NALF1: variants seen among roughly 807,000 people sequenced by gnomAD.
The protein encoded by NALF1 is NALCN channel auxiliary factor 1, also known as family with sequence similarity 155 member A.
Under a neutral mutation model 48.4 loss-of-function variants are expected in NALF1, and 3 were observed. That is an observed-to-expected ratio of 0.06 (90% confidence interval 0.03 to 0.16). NALF1 has a LOEUF of 0.16. Ranked by LOEUF, NALF1 falls within the 10% of genes least tolerant of loss-of-function variation. The pLI is 1.00. For missense variants in NALF1, 526 were observed against 571.5 expected (o/e 0.92, Z 0.81); for synonymous variants, 262 against 245.7 (o/e 1.07, Z -0.62).
intron 1 of NALF1, among the ~76,000 whole-genome samples, chr13:107,684,917 C>T (rs1174311074): frequency 6.6e-6 from 1 of 152,202 alleles, no homozygotes; most frequent in Non-Finnish European, 1.5e-5. Flanking sequence ...ACACCCTTTC[C>T]TTCCCATTGC....
chr13:107,547,525 T>C (rs1338022426), intron 1 of NALF1, among the ~76,000 whole-genome samples: 1 of 152,218 alleles, frequency 6.6e-6, no homozygotes, highest in Admixed American at 6.5e-5. Flanking sequence ...TGGATTAGTT[T>C]AATTAATCCT....
intron 1 of NALF1, among the ~76,000 whole-genome samples, chr13:107,795,282 C>T (rs939353131): frequency 1.3e-5 from 2 of 152,078 alleles, no homozygotes; most frequent in African/African-American, 4.8e-5. Context: ...CAAAAAACAT[C>T]AATACACATC....
intron 1 of NALF1, among the ~76,000 whole-genome samples, chr13:107,791,686 C>T (rs1009058667): frequency 5.3e-5 from 8 of 152,042 alleles, no homozygotes; most frequent in Non-Finnish European, 1.2e-4. Flanking sequence ...ATTTGAAGCA[C>T]ATGAAACACA....
chr13:107,457,895 G>A (rs1307448039), intron 1 of NALF1, among the ~76,000 whole-genome samples: 1 of 152,162 alleles, frequency 6.6e-6, no homozygotes, highest in Non-Finnish European at 1.5e-5. Flanking sequence ...AGTGCAAACA[G>A]AGCTGTTGCT....
chr13:107,328,702 T>C (rs1882412705), intron 1 of NALF1, among the ~76,000 whole-genome samples: 1 of 152,206 alleles, frequency 6.6e-6, no homozygotes, highest in African/African-American at 2.4e-5. Context: ...AATCTCATTT[T>C]TTAAAGGAAG....
At chr13:107,537,253 G>T (rs1315422167) in intron 1 of NALF1, among the ~76,000 whole-genome samples, 1 of 151,874 alleles carries the variant, frequency 6.6e-6, no homozygotes, top group Non-Finnish European at 1.5e-5. Flanking sequence ...AAAAAAAAGG[G>T]AGTGTTTCAT....
At chr13:107,855,646 C>T (rs565281046) in intron 1 of NALF1, among the ~76,000 whole-genome samples, 1 of 152,212 alleles carries the variant, frequency 6.6e-6, no homozygotes, top group Non-Finnish European at 1.5e-5. Context: ...CAAAGACTTG[C>T]GGCACAGTGA....
At chr13:107,754,533 A>T (rs1201989677) in intron 1 of NALF1, among the ~76,000 whole-genome samples, 1 of 152,108 alleles carries the variant, frequency 6.6e-6, no homozygotes, top group African/African-American at 2.4e-5. Flanking sequence ...GTGGGCAAAC[A>T]TGTAGATCAC....
chr13:107,608,451 A>G (rs1879131931), intron 1 of NALF1, among the ~76,000 whole-genome samples: 1 of 152,230 alleles, frequency 6.6e-6, no homozygotes, highest in African/African-American at 2.4e-5. Context: ...ATGATAAAAT[A>G]AATATTGTTT....
intron 1 of NALF1, among the ~76,000 whole-genome samples, chr13:107,420,412 G>T (rs1469558123): frequency 6.6e-6 from 1 of 152,028 alleles, no homozygotes; most frequent in African/African-American, 2.4e-5. Context: ...TTGTATAAAG[G>T]AAAAACAAAT....
At chr13:107,497,372 C>T (rs989502527) in intron 1 of NALF1, among the ~76,000 whole-genome samples, 3 of 152,054 alleles carry the variant, frequency 2.0e-5, no homozygotes, top group African/African-American at 7.2e-5. Flanking sequence ...CTAATAATGA[C>T]CTAAACTTAT....
intron 1 of NALF1, among the ~76,000 whole-genome samples, chr13:107,268,598 A>G (rs1382381773): frequency 6.6e-6 from 1 of 152,224 alleles, no homozygotes; most frequent in African/African-American, 2.4e-5. Context: ...GTATATTGTT[A>G]CAACTACATG....
chr13:107,404,797 C>T (rs1442379520), intron 1 of NALF1, among the ~76,000 whole-genome samples: 4 of 151,900 alleles, frequency 2.6e-5, no homozygotes, highest in Non-Finnish European at 4.4e-5. Context: ...GTGAATAGTC[C>T]AGTTACATGG....
chr13:107,678,784 A>G (rs773773950), intron 1 of NALF1, among the ~76,000 whole-genome samples: 3 of 152,162 alleles, frequency 2.0e-5, no homozygotes, highest in Non-Finnish European at 4.4e-5. Context: ...AAACCATCAG[A>G]TCTCGTGAGA....
intron 1 of NALF1, among the ~76,000 whole-genome samples, chr13:107,650,089 T>A (rs1880407829): frequency 6.6e-6 from 1 of 152,206 alleles, no homozygotes; most frequent in Non-Finnish European, 1.5e-5. Context: ...ATGAGTATTT[T>A]AAAAGTTGCC....
chr13:107,727,536 G>C (rs1876194133), intron 1 of NALF1, among the ~76,000 whole-genome samples: 1 of 152,190 alleles, frequency 6.6e-6, no homozygotes, highest in Non-Finnish European at 1.5e-5. Context: ...TACAGTCCTT[G>C]CTTTTGGCAC....
chr13:107,319,010 T>G (rs1882203055), intron 1 of NALF1, among the ~76,000 whole-genome samples: 1 of 152,052 alleles, frequency 6.6e-6, no homozygotes, highest in Admixed American at 6.6e-5. Context: ...TCCAGAAAAT[T>G]TTGGTTAAGC....
intron 1 of NALF1, among the ~76,000 whole-genome samples, chr13:107,459,042 TA>T (rs1292739876): frequency 7.5e-5 from 11 of 146,642 alleles, no homozygotes; most frequent in East Asian, 4.0e-4. Context: ...ATTCAGGAAT[TA>T]AAAAAAAAAG....
intron 1 of NALF1, among the ~76,000 whole-genome samples, chr13:107,724,369 GA>G: frequency 6.6e-6 from 1 of 151,982 alleles, no homozygotes; most frequent in Non-Finnish European, 1.5e-5. Context: ...CCTTCTAGAA[GA>G]AAAATACATA....
Sources: gnomAD v4.1 joint callset for allele counts (sites outside exome capture counted in the v4.1 genomes callset) on GRCh38, gnomAD v4.1.1 for gene constraint, MANE v1.5 for transcripts, NCBI Gene and HGNC (gene_info 2026-07-23, HGNC 2026-07-21) for gene names.